Variants in PCCA observed in about 807,000 individuals in gnomAD.
PCCA encodes the protein propionyl-CoA carboxylase alpha chain, mitochondrial.
In PCCA, 74 loss-of-function variants were observed where a neutral mutation model predicts 101.3. That is an observed-to-expected ratio of 0.73 (90% CI 0.61 to 0.89). The LOEUF (loss-of-function observed/expected upper bound fraction) is 0.89, where lower values mean the gene tolerates loss of function less well. Ranked by LOEUF, PCCA falls within the 40% of genes least tolerant of loss-of-function variation. The probability of loss-of-function intolerance (pLI) is 0.00; values close to 1 mark genes in which losing one functional copy is unlikely to be tolerated. For missense variants in PCCA, 891 were observed against 907.0 expected (o/e 0.98, Z 0.23); for synonymous variants, 294 against 313.6 (o/e 0.94, Z 0.66).
At chr13:100,519,096 G>T (rs1024938432) in intron 22 of PCCA, among the ~76,000 whole-genome samples, 1 of 152,124 alleles carries the variant, frequency 6.6e-6, no homozygotes, top group Non-Finnish European at 1.5e-5. Flanking sequence ...AGTCACCCAA[G>T]GAGGCATTTT....
intron 18 of PCCA, among the ~76,000 whole-genome samples, chr13:100,363,334 G>A (rs1219561295): frequency 6.6e-6 from 1 of 151,008 alleles, no homozygotes; most frequent in Non-Finnish European, 1.5e-5. Flanking sequence ...TTTTAAGTGG[G>A]CCATCTGTCT....
intron 21 of PCCA, among the ~76,000 whole-genome samples, chr13:100,506,571 A>G (rs1285812221): frequency 6.6e-6 from 1 of 152,222 alleles, no homozygotes; most frequent in Non-Finnish European, 1.5e-5. Context: ...CAGTGAATTC[A>G]TAATAGTAAA....
chr13:100,231,529 C>T (rs1415014464), intron 7 of PCCA, among the ~76,000 whole-genome samples: 1 of 152,112 alleles, frequency 6.6e-6, no homozygotes, highest in Non-Finnish European at 1.5e-5. Context: ...ATTTTGGGGA[C>T]TCCTAGTTTG....
At chr13:100,351,132 T>A (rs1221978631) in intron 18 of PCCA, among the ~76,000 whole-genome samples, 1 of 152,196 alleles carries the variant, frequency 6.6e-6, no homozygotes, top group East Asian at 1.9e-4. Flanking sequence ...GATTTTTGAA[T>A]TGAAACTAAA....
intron 18 of PCCA, among the ~76,000 whole-genome samples, chr13:100,362,303 A>G (rs182167451): frequency 9.2e-5 from 14 of 152,336 alleles, no homozygotes; most frequent in Admixed American, 9.1e-4. Context: ...TTAAAAAAAA[A>G]TAACAGTTGC....
intron 21 of PCCA, among the ~76,000 whole-genome samples, chr13:100,499,687 T>C (rs2085530140): frequency 6.6e-6 from 1 of 152,280 alleles, no homozygotes; most frequent in Non-Finnish European, 1.5e-5. Context: ...CAGAAGCACA[T>C]CTGTCCCATT....
At chr13:100,183,445 A>G (rs962175813) in intron 6 of PCCA, among the ~76,000 whole-genome samples, 1 of 152,222 alleles carries the variant, frequency 6.6e-6, no homozygotes, top group Admixed American at 6.5e-5. Context: ...TAGGGGGACT[A>G]CAGCAGGGAA....
chr13:100,206,523 G>A (rs548003852), intron 6 of PCCA, among the ~76,000 whole-genome samples: 1 of 152,152 alleles, frequency 6.6e-6, no homozygotes, highest in Non-Finnish European at 1.5e-5. Flanking sequence ...GCCTCCCAAA[G>A]TGCTGGGATT....
rs1247108409 is a variant in PCCA, at chr13:100,227,633, T to C, written c.601-8209T>C. On this transcript the variant is annotated intron_variant, in intron 7 of 23. Transcript: ENST00000376285. Reference sequence around the variant, plus strand: ...AAGCTACTCTTTTGGCATTGTATTCTTAGTACTTTCCTGTAACTCTTTCCC... The same window carrying C: ...AAGCTACTCTTTTGGCATTGTATTCCTAGTACTTTCCTGTAACTCTTTCCC... 3.3e-5 allele frequency among the ~76,000 whole-genome samples: 5 copies of C among 152,188 alleles called. No individual in the cohort carries two copies. In the East Asian group the frequency reaches 9.6e-4, roughly 29 times the overall value.
At chr13:100,313,445 A>T (rs1426720518) in intron 16 of PCCA, among the ~76,000 whole-genome samples, 1 of 152,182 alleles carries the variant, frequency 6.6e-6, no homozygotes, top group Non-Finnish European at 1.5e-5. Context: ...TTTGGTGGGC[A>T]GGGGGCCAGG....
intron 19 of PCCA, among the ~76,000 whole-genome samples, chr13:100,383,103 A>T (rs1303752057): frequency 6.6e-6 from 1 of 151,952 alleles, no homozygotes; most frequent in Admixed American, 6.6e-5. Flanking sequence ...GGGGGAGAGC[A>T]CCTCAGTCCC....
chr13:100,367,053 G>A (rs567630621), intron 18 of PCCA, among the ~76,000 whole-genome samples: 15 of 152,214 alleles, frequency 9.9e-5, no homozygotes, highest in Non-Finnish European at 2.1e-4. Flanking sequence ...TTTCAGAACT[G>A]TGGTTTAAGC....
At chr13:100,307,128 G>T (rs2152692445) in intron 14 of PCCA, 64 bp from the exon 15 acceptor site, 1 of 1,060,740 alleles carries the variant, frequency 9.4e-7, no homozygotes, top group Non-Finnish European at 1.4e-6. Context: ...AAATGAAATT[G>T]GTGGTTACAA....
In PCCA at chr13:100,269,991, A is replaced by T. The variant is rs141357703; in HGVS notation, c.914+1208A>T. Among the ~76,000 whole-genome samples, 330 of 152,338 alleles carry T rather than the reference A, an allele frequency of 2.2e-3. 3 individuals carry two copies. The highest frequency in any genetic ancestry group is 7.7e-3 in the African/African-American group (321 of 41,578). On this transcript the variant is annotated intron_variant, in intron 11 of 23. Coordinates refer to ENST00000376285, the MANE Select transcript of PCCA (RefSeq NM_000282.4). The stretch of plus-strand genomic sequence containing the variant: ...GACTACTTAGAAGTGATGCTGTGCC[A>T]GTTTCCAGCCCAGGCCTTGGGAAAC...
At chr13:100,356,966 A>G (rs1468040412) in intron 18 of PCCA, among the ~76,000 whole-genome samples, 1 of 152,218 alleles carries the variant, frequency 6.6e-6, no homozygotes. Context: ...AATTCAGTCA[A>G]AGTAGATCAC....
At chr13:100,118,032 T>C (rs967915098) in intron 4 of PCCA, among the ~76,000 whole-genome samples, 35 of 149,142 alleles carry the variant, frequency 2.3e-4, no homozygotes, top group East Asian at 9.9e-4. Context: ...AGGAGAATGG[T>C]GTGAACCCGG....
Position 100,479,371 on chromosome 13 carries a change from A to G in PCCA, c.1899+30066A>G, listed in dbSNP as rs77827050. 9.2e-3 allele frequency among the ~76,000 whole-genome samples: 1,396 copies of G among 152,262 alleles called. 19 individuals are homozygous for G. Among genetic ancestry groups the G allele is most frequent in the African/African-American group, 0.032 (1,321 of 41,540 alleles). On this transcript the variant is annotated intron_variant, in intron 21 of 23. Coordinates refer to ENST00000376285, the MANE Select transcript of PCCA (RefSeq NM_000282.4). ...CTTGAACAATATGGGGGCTAGGGAT[A>G]TCAACCCTGTGCAGTCAGAAATCTA...
At chr13:100,191,101 A>C (rs995787317) in intron 6 of PCCA, among the ~76,000 whole-genome samples, 8 of 152,212 alleles carry the variant, frequency 5.3e-5, no homozygotes, top group Non-Finnish European at 1.0e-4. Flanking sequence ...CCAATAAAAC[A>C]AAACAAAACG....
intron 7 of PCCA, among the ~76,000 whole-genome samples, chr13:100,221,039 A>G (rs1171221107): frequency 6.6e-6 from 1 of 152,192 alleles, no homozygotes; most frequent in African/African-American, 2.4e-5. Context: ...TTCTATTTGG[A>G]TGATGATCTG....
Sources: gnomAD v4.1 joint callset for allele counts (sites outside exome capture counted in the v4.1 genomes callset) on GRCh38, gnomAD v4.1.1 for gene constraint, MANE v1.5 for transcripts, NCBI Gene and HGNC (gene_info 2026-07-23, HGNC 2026-07-21) for gene names.